PPP1R12B: variants seen among roughly 807,000 people sequenced by gnomAD.
PPP1R12B encodes myosin phosphatase target subunit 2.
In PPP1R12B, 76 loss-of-function variants were observed where a neutral mutation model predicts 126.1. The observed-to-expected ratio is 0.60, with a 90% CI of 0.50 to 0.73. The LOEUF (loss-of-function observed/expected upper bound fraction) is 0.73. Ranked by LOEUF, PPP1R12B falls within the 30% of genes least tolerant of loss-of-function variation. The probability of loss-of-function intolerance (pLI) is 0.00; values close to 1 mark genes in which losing one functional copy is unlikely to be tolerated. For missense variants in PPP1R12B, 1,052 were observed against 1,205.1 expected (o/e 0.87, Z 1.88); for synonymous variants, 356 against 434.7 (o/e 0.82, Z 2.25).
At chr1:202,456,454 A>G (rs1673650727) in intron 13 of PPP1R12B, among the ~76,000 whole-genome samples, 1 of 152,164 alleles carries the variant, frequency 6.6e-6, no homozygotes, top group Non-Finnish European at 1.5e-5. Context: ...AAGAGTACTC[A>G]AAAGCCAGAG....
chr1:202,438,091 G>A, intron 10 of PPP1R12B, 67 bp downstream of exon 10: 1 of 1,602,242 alleles, frequency 6.2e-7, no homozygotes, highest in South Asian at 1.1e-5. Flanking sequence ...TTCAATCTTA[G>A]GAACAAATGA....
intron 18 of PPP1R12B, among the ~76,000 whole-genome samples, chr1:202,517,700 A>G (rs1572363268): frequency 6.6e-6 from 1 of 151,290 alleles, no homozygotes; most frequent in African/African-American, 2.4e-5. Flanking sequence ...ATCTCGGCTC[A>G]CTGCAACCTC....
chr1:202,547,960 T>C (rs2148977057), intron 18 of PPP1R12B, among the ~76,000 whole-genome samples: 1 of 152,374 alleles, frequency 6.6e-6, no homozygotes, highest in Non-Finnish European at 1.5e-5. Flanking sequence ...CTAAAATTTA[T>C]TGAACATTTA....
At chr1:202,377,331 T>C (rs1315037321) in intron 1 of PPP1R12B, among the ~76,000 whole-genome samples, 6 of 151,778 alleles carry the variant, frequency 4.0e-5, no homozygotes, top group Non-Finnish European at 7.4e-5. Context: ...TTTTTTTTTT[T>C]TCGCTCTGTC....
At chr1:202,396,294 G>A (rs56100812) in intron 1 of PPP1R12B, among the ~76,000 whole-genome samples, 62,316 of 151,986 alleles carry the variant, frequency 0.41, 14,724 homozygotes, top group East Asian at 0.69. Context: ...TGGCTCCTTA[G>A]TTTTTAGCCA....
intron 13 of PPP1R12B, among the ~76,000 whole-genome samples, chr1:202,457,123 A>T (rs554759359): frequency 3.3e-5 from 5 of 152,230 alleles, no homozygotes; most frequent in Non-Finnish European, 7.3e-5. Context: ...AAAGTATAAG[A>T]TTTTGCAAAA....
intron 18 of PPP1R12B, among the ~76,000 whole-genome samples, chr1:202,533,656 A>G (rs530261516): frequency 7.9e-5 from 12 of 152,130 alleles, no homozygotes; most frequent in Non-Finnish European, 1.2e-4. Context: ...CCAGTCATAT[A>G]TGTCCCTCAG....
chr1:202,549,768 C>T (rs2148982919), intron 18 of PPP1R12B, among the ~76,000 whole-genome samples: 1 of 152,250 alleles, frequency 6.6e-6, no homozygotes, highest in South Asian at 2.1e-4. Context: ...TTTACCTCCT[C>T]AGAGAAGAGC....
chr1:202,465,313 A>G (rs550173550), intron 13 of PPP1R12B, among the ~76,000 whole-genome samples: 9 of 152,164 alleles, frequency 5.9e-5, no homozygotes, highest in Non-Finnish European at 1.2e-4. Flanking sequence ...GGATATTTGT[A>G]TACCATGAGC....
intron 1 of PPP1R12B, among the ~76,000 whole-genome samples, chr1:202,413,020 T>C (rs1392219914): frequency 2.0e-5 from 3 of 151,980 alleles, no homozygotes; most frequent in Non-Finnish European, 4.4e-5. Flanking sequence ...GATATACTTG[T>C]GGAAGTTGAT....
chr1:202,378,247 CTTT>C (rs386369339), intron 1 of PPP1R12B, among the ~76,000 whole-genome samples: 2 of 93,364 alleles, frequency 2.1e-5, no homozygotes, highest in African/African-American at 4.1e-5. Flanking sequence ...TGTCTTCATT[CTTT>C]TTTTTTTTTT....
intron 18 of PPP1R12B, among the ~76,000 whole-genome samples, chr1:202,510,895 CTAATA>C (rs1026361787): frequency 2.1e-5 from 3 of 143,994 alleles, no homozygotes; most frequent in East Asian, 2.0e-4. Flanking sequence ...TATATTTATA[CTAATA>C]TAATATATAA....
chr1:202,408,798 CAT>C (rs1252553333), intron 1 of PPP1R12B, among the ~76,000 whole-genome samples: 2 of 150,858 alleles, frequency 1.3e-5, no homozygotes, highest in Admixed American at 6.6e-5. Context: ...TGGGTGTACA[CAT>C]ATCTCTTTGA....
chr1:202,419,883 T>A lies in PPP1R12B; in HGVS notation c.423-2737T>A, dbSNP rs1668538816. On this transcript the variant is annotated intron_variant, in intron 2 of 23. Coordinates refer to ENST00000608999, the MANE Select transcript of PPP1R12B (RefSeq NM_002481.4). The surrounding 1 kb of genome is among the most constrained non-coding windows in gnomAD (Gnocchi z 4.6). The stretch of plus-strand genomic sequence containing the variant: ...ACAGATCTGTGCCTTTCCCCAGAGA[T>A]CAAGTTGAGATCAATACTTAAAAGG... Among the ~76,000 whole-genome samples, 1 of 152,126 alleles carries A rather than the reference T, an allele frequency of 6.6e-6. No homozygotes were observed. The highest frequency in any genetic ancestry group is 2.1e-4 in the South Asian group (1 of 4,822).
intron 13 of PPP1R12B, chr1:202,473,951 G>A: frequency 1.9e-6 from 1 of 532,810 alleles, no homozygotes; most frequent in South Asian, 1.4e-5. Flanking sequence ...TGCTCGAGGA[G>A]GTAACAGCCT....
intron 10 of PPP1R12B, 49 bp downstream of exon 10, chr1:202,438,073 C>CA (rs1558226526): frequency 1.9e-6 from 3 of 1,599,806 alleles, no homozygotes; most frequent in Non-Finnish European, 2.6e-6. Context: ...TTTTTTTTTC[C>CA]ATGAAAATTC....
rs765068845 is a variant in PPP1R12B at position 202,431,600 on chromosome 1, A to G, written c.1122A>G (p.Ser374=). 1.8e-5 allele frequency: 29 copies of G among 1,609,308 alleles called. No individual in the cohort carries two copies. The South Asian group carries it at 3.2e-4, about 18-fold the overall frequency. The change falls in exon 8 of 24, where the codon TCA becomes TCG. Residue 374 remains serine, a synonymous_variant. Coordinates refer to ENST00000608999, the MANE Select transcript of PPP1R12B (RefSeq NM_002481.4). ...AAGGTGAAGATGAAGCTTCTGAGTC[A>G]GAAACTGAGAAGGAGGCAGGTAATG... ...EEEGEDEASE[S]ETEKEADKKP... is the part of the protein sequence containing the mutation.
chr1:202,378,433 G>A (rs1661635448), intron 1 of PPP1R12B, among the ~76,000 whole-genome samples: 1 of 151,870 alleles, frequency 6.6e-6, no homozygotes, highest in Non-Finnish European at 1.5e-5. Context: ...TTTCTCAAAG[G>A]TCATCGCAGA....
chr1:202,384,145 C>A (rs758484215), intron 1 of PPP1R12B, among the ~76,000 whole-genome samples: 2 of 152,198 alleles, frequency 1.3e-5, no homozygotes, highest in African/African-American at 2.4e-5. Context: ...TCTAGCAGTT[C>A]TTCAAAATGT....
Sources: gnomAD v4.1 joint callset for allele counts (sites outside exome capture counted in the v4.1 genomes callset) on GRCh38, gnomAD v4.1.1 for gene constraint, Gnocchi (gnomAD v3.1) non-coding constraint, MANE v1.5 for transcripts, NCBI Gene and HGNC (gene_info 2026-07-23, HGNC 2026-07-21) for gene names.